The following PAPSS2 variants were observed in gnomAD, a reference collection of about 807,000 sequenced individuals.
The protein encoded by PAPSS2 is bifunctional 3'-phosphoadenosine 5'-phosphosulfate synthase 2.
PAPSS2 carries 61 observed loss-of-function variants against 66.5 expected under a neutral mutation model. The observed-to-expected ratio is 0.92, with a 90% CI of 0.75 to 1.14. The LOEUF (loss-of-function observed/expected upper bound fraction) is 1.14, where lower values mean the gene tolerates loss of function less well. Among genes scored for constraint, PAPSS2 ranks in the 50% most tolerant of loss-of-function variants. The probability of loss-of-function intolerance (pLI) is 0.00; values close to 1 mark genes in which losing one functional copy is unlikely to be tolerated. For synonymous variants in PAPSS2, 289 were observed against 287.5 expected (o/e 1.01, Z -0.05); for missense variants, 708 against 789.6 (o/e 0.90, Z 1.24).
intron 8 of PAPSS2, among the ~76,000 whole-genome samples, chr10:87,722,759 T>C (rs1165188052): frequency 6.6e-6 from 1 of 152,226 alleles, no homozygotes; most frequent in Non-Finnish European, 1.5e-5. Flanking sequence ...GATACGTTTA[T>C]ATATTAGAAA....
intron 1 of PAPSS2, among the ~76,000 whole-genome samples, chr10:87,664,303 A>G (rs1852789588): frequency 6.6e-6 from 1 of 152,228 alleles, no homozygotes; most frequent in Admixed American, 6.5e-5. Context: ...GGCTGGATAG[A>G]AGACACTGGT....
intron 8 of PAPSS2, among the ~76,000 whole-genome samples, chr10:87,726,208 G>A (rs988124643): frequency 6.6e-6 from 1 of 152,186 alleles, no homozygotes; most frequent in Non-Finnish European, 1.5e-5. Context: ...GAGGTTGGCA[G>A]ATCATGAGGT....
intron 9 of PAPSS2, among the ~76,000 whole-genome samples, chr10:87,733,991 G>T (rs1391387485): frequency 1.3e-5 from 2 of 152,002 alleles, no homozygotes; most frequent in African/African-American, 4.8e-5. Flanking sequence ...TTCAGTTATT[G>T]CTTGAATTCA....
chr10:87,687,447 G>A (rs752357675), intron 1 of PAPSS2, among the ~76,000 whole-genome samples: 2 of 152,088 alleles, frequency 1.3e-5, no homozygotes, highest in Non-Finnish European at 2.9e-5. Flanking sequence ...CTAAATATAC[G>A]AAAGGTTATT....
chr10:87,670,208 A>T (rs1852859338), intron 1 of PAPSS2, among the ~76,000 whole-genome samples: 1 of 152,286 alleles, frequency 6.6e-6, no homozygotes. Flanking sequence ...AGTATTCAGC[A>T]AACGTGAACA....
At chr10:87,729,287 G>C (rs1853699955) in intron 9 of PAPSS2, among the ~76,000 whole-genome samples, 1 of 150,148 alleles carries the variant, frequency 6.7e-6, no homozygotes, top group African/African-American at 2.5e-5. Flanking sequence ...CACTGAGAAA[G>C]TCTGTGAGTG....
rs1002364051 is a variant in PAPSS2 at position 87,746,103 on chromosome 10, A to G, written c.*133A>G. 14 of 742,942 alleles carry G rather than the reference A, an allele frequency of 1.9e-5. No individual in the cohort carries two copies. Among genetic ancestry groups the G allele is most frequent in the East Asian group, 1.8e-4 (6 of 33,834 alleles). The allele number at this position is 742,942 out of a possible 1,614,324, so 46.0% of individuals were successfully genotyped here. A position where few individuals can be genotyped will look rare whatever the true frequency, so the allele number is the denominator to read the frequency against. Reference sequence around the variant, plus strand: ...TTATAATGAAGTAAAAGTTGTGTCTATAATTAAAAAAAAATATATATATAT... The same window carrying G: ...TTATAATGAAGTAAAAGTTGTGTCTGTAATTAAAAAAAAATATATATATAT... On this transcript the variant is annotated 3_prime_UTR_variant, in exon 13 of 13. Coordinates refer to ENST00000456849, the MANE Select transcript of PAPSS2 (RefSeq NM_001015880.2).
In PAPSS2 at chr10:87,745,899, CCA is replaced by C; in HGVS notation, c.1790_1791del (p.Pro597ArgfsTer61). The C allele has an allele frequency of 6.2e-7, 1 of 1,614,014 alleles. No individual in the cohort carries two copies. Among genetic ancestry groups the C allele is most frequent in the South Asian group, 1.1e-5 (1 of 91,076 alleles). ...GCTCGCCCGGGAAGGAGAGAATCCC[CCA>C]GATGGCTTCATGGCCCCCAAAGCAT... Reference protein sequence around the residue: ...RKLAREGENPPDGFMAPKAWK... With the variant: ...RKLAREGENPXDGFMAPKAWK... On this transcript the variant is annotated frameshift_variant, in exon 13 of 13. Coordinates refer to ENST00000456849, the MANE Select transcript of PAPSS2 (RefSeq NM_001015880.2). LOFTEE classifies it high-confidence loss of function.
At chr10:87,720,752 A>C (rs199797840) in intron 7 of PAPSS2, among the ~76,000 whole-genome samples, 1 of 147,658 alleles carries the variant, frequency 6.8e-6, no homozygotes, top group African/African-American at 2.5e-5. Flanking sequence ...CCAAAAAAAA[A>C]CCCCAAAACA....
At chr10:87,743,716 C>G in intron 11 of PAPSS2, 75 bp downstream of exon 11, 1 of 1,523,896 alleles carries the variant, frequency 6.6e-7, no homozygotes, top group Non-Finnish European at 9.1e-7. Flanking sequence ...GTAAATGAGT[C>G]TCTGGGATCC....
chr10:87,672,062 A>G (rs989634121), intron 1 of PAPSS2, among the ~76,000 whole-genome samples: 2 of 152,228 alleles, frequency 1.3e-5, no homozygotes, highest in Admixed American at 6.5e-5. Context: ...CAATTATCCT[A>G]GTAGCTCTAC....
At chr10:87,728,017 T>C (rs1355465686) in intron 9 of PAPSS2, among the ~76,000 whole-genome samples, 2 of 152,166 alleles carry the variant, frequency 1.3e-5, no homozygotes, top group African/African-American at 2.4e-5. Context: ...GTGGCAGAGT[T>C]TCCAGAGGAA....
chr10:87,694,066 AAT>A (rs756797791), intron 1 of PAPSS2, among the ~76,000 whole-genome samples: 13 of 152,234 alleles, frequency 8.5e-5, no homozygotes, highest in Non-Finnish European at 1.8e-4. Context: ...ATATGTAATG[AAT>A]ACCTACTATA....
intron 1 of PAPSS2, among the ~76,000 whole-genome samples, chr10:87,703,112 A>G (rs971079492): frequency 6.6e-6 from 1 of 152,210 alleles, no homozygotes; most frequent in Non-Finnish European, 1.5e-5. Flanking sequence ...AACCCAGGGC[A>G]AAGGCCATCC....
chr10:87,673,830 C>A, intron 1 of PAPSS2, among the ~76,000 whole-genome samples: 1 of 151,336 alleles, frequency 6.6e-6, no homozygotes, highest in East Asian at 2.0e-4. Flanking sequence ...TTCTAAGTCA[C>A]TGAATACTTT....
rs1047486517 is a variant in PAPSS2 at position 87,745,304 on chromosome 10, T to C, written c.1721+73T>C. 10 of 1,205,446 alleles carry C rather than the reference T, an allele frequency of 8.3e-6. No homozygotes were observed. In the African/African-American group the frequency reaches 1.5e-4, roughly 18 times the overall value. The allele number at this position is 1,205,446 out of a possible 1,614,324, so 74.7% of individuals were successfully genotyped here. On this transcript the variant is annotated intron_variant, in intron 12 of 12. Coordinates refer to ENST00000456849, the MANE Select transcript of PAPSS2 (RefSeq NM_001015880.2). The stretch of plus-strand genomic sequence containing the variant: ...ATGATGAGGCAGAATTTGGGCCCTT[T>C]GAAAAACTCTCCAGTGCATTGCCAC...
intron 6 of PAPSS2, among the ~76,000 whole-genome samples, chr10:87,715,483 T>A (rs1369787470): frequency 6.6e-6 from 1 of 152,244 alleles, no homozygotes; most frequent in Non-Finnish European, 1.5e-5. Context: ...TGGGAATAGA[T>A]ACAACCTAAA....
chr10:87,682,205 C>G (rs1001656425), intron 1 of PAPSS2, among the ~76,000 whole-genome samples: 5 of 152,070 alleles, frequency 3.3e-5, no homozygotes, highest in Non-Finnish European at 4.4e-5. Context: ...CCATACAGAC[C>G]CTAGTATTTC....
At position 87,715,045 on chromosome 10, in the gene PAPSS2, C is replaced by G. The variant is rs1853515977; in HGVS notation, c.700C>G (p.Leu234Val). ...IHELFVPENKLDHVRAEAETL... is the reference protein window; with the variant it reads ...IHELFVPENKVDHVRAEAETL... ...CGAACTCTTTGTGCCGGAAAACAAA[C>G]TTGACCACGTCCGAGCTGAGGCTGA... The change falls in exon 6 of 13, where the codon CTT becomes GTT. Residue 234 changes from leucine (L) to valine (V), a missense_variant. Transcript: ENST00000456849. The G allele has an allele frequency of 1.2e-6, 2 of 1,613,614 alleles. No individual in the cohort carries two copies. Among genetic ancestry groups the G allele is most frequent in the African/African-American group, 2.7e-5 (2 of 75,050 alleles).
Sources: allele counts gnomAD v4.1 joint callset (sites outside exome capture counted in the v4.1 genomes callset), GRCh38; gene constraint gnomAD v4.1.1; transcripts MANE v1.5; gene names NCBI Gene and HGNC (gene_info 2026-07-23, HGNC 2026-07-21).